The following AFG2A variants were observed in gnomAD, a reference collection of about 807,000 sequenced individuals.
AFG2A encodes the protein ATPase family gene 2 protein homolog A.
chr4:123,135,875 A>C, the AFG2A span, among the ~76,000 whole-genome samples: 1 of 152,198 alleles, frequency 6.6e-6, no homozygotes, highest in Non-Finnish European at 1.5e-5. Flanking sequence ...AAACTGCTAG[A>C]ATTCATAAAC....
the AFG2A span, among the ~76,000 whole-genome samples, chr4:123,111,513 G>A: frequency 1.2e-4 from 18 of 152,080 alleles, no homozygotes; most frequent in Non-Finnish European, 2.4e-4. Flanking sequence ...AGAGATTCAA[G>A]TTTTGTATTA....
At chr4:123,232,289 C>G in the AFG2A span, among the ~76,000 whole-genome samples, 1 of 151,954 alleles carries the variant, frequency 6.6e-6, no homozygotes, top group Non-Finnish European at 1.5e-5. Flanking sequence ...TGAGGCACTT[C>G]AACTTTTAAA....
At chr4:123,096,292 A>G in the AFG2A span, among the ~76,000 whole-genome samples, 3 of 149,144 alleles carry the variant, frequency 2.0e-5, no homozygotes, top group Non-Finnish European at 4.4e-5. Context: ...AGATTGTGTG[A>G]TATCAAGTAG....
At chr4:123,180,859 G>C in the AFG2A span, among the ~76,000 whole-genome samples, 112 of 151,800 alleles carry the variant, frequency 7.4e-4, no homozygotes, top group African/African-American at 2.7e-3. Context: ...TAAAACAAGG[G>C]TCAGCAAACT....
the AFG2A span, among the ~76,000 whole-genome samples, chr4:123,027,598 C>T: frequency 1.3e-5 from 2 of 152,100 alleles, no homozygotes; most frequent in South Asian, 2.1e-4. Context: ...AGTTCTTTAA[C>T]GCATGGATTC....
the AFG2A span, among the ~76,000 whole-genome samples, chr4:123,151,662 T>C: frequency 0.67 from 102,600 of 152,064 alleles, 37,632 homozygotes; most frequent in East Asian, 0.97. Flanking sequence ...GAAATAGGAA[T>C]GCTTTTACAC....
the AFG2A span, among the ~76,000 whole-genome samples, chr4:123,267,978 G>A: frequency 6.6e-6 from 1 of 151,896 alleles, no homozygotes; most frequent in Non-Finnish European, 1.5e-5. Flanking sequence ...TGGCTTATAA[G>A]CTAATCACCC....
the AFG2A span, among the ~76,000 whole-genome samples, chr4:123,303,112 A>G: frequency 2.0e-5 from 3 of 152,200 alleles, no homozygotes; most frequent in East Asian, 3.8e-4. Flanking sequence ...TTTTAAAACT[A>G]AAAATACTCT....
the AFG2A span, among the ~76,000 whole-genome samples, chr4:123,202,622 C>T: frequency 6.6e-6 from 1 of 152,134 alleles, no homozygotes; most frequent in Non-Finnish European, 1.5e-5. Context: ...AATTAGACTA[C>T]ATAGCTTATT....
At chr4:123,063,803 TC>T in the AFG2A span, among the ~76,000 whole-genome samples, 1 of 152,154 alleles carries the variant, frequency 6.6e-6, no homozygotes, top group South Asian at 2.1e-4. Flanking sequence ...TCAGGATGTT[TC>T]ACAATTGAGC....
the AFG2A span, among the ~76,000 whole-genome samples, chr4:123,193,073 G>A: frequency 6.6e-6 from 1 of 152,134 alleles, no homozygotes; most frequent in Non-Finnish European, 1.5e-5. Flanking sequence ...TAAACTCCTT[G>A]TGTATCTGAG....
chr4:122,980,992 TTC>T, the AFG2A span, among the ~76,000 whole-genome samples: 2 of 152,176 alleles, frequency 1.3e-5, no homozygotes, highest in Admixed American at 6.5e-5. Context: ...GTGCAGAACT[TTC>T]TGGTTTGATG....
the AFG2A span, among the ~76,000 whole-genome samples, chr4:123,201,881 C>T: frequency 4.6e-5 from 7 of 151,774 alleles, no homozygotes; most frequent in East Asian, 3.9e-4. Flanking sequence ...GAGATGATGC[C>T]GCTGCACTCC....
At chr4:123,018,425 TA>T in the AFG2A span, among the ~76,000 whole-genome samples, 1 of 152,182 alleles carries the variant, frequency 6.6e-6, no homozygotes. Context: ...GTTCTAGAAT[TA>T]AAAACAATTT....
chr4:122,968,929 C>T, the AFG2A span, among the ~76,000 whole-genome samples: 4 of 151,420 alleles, frequency 2.6e-5, no homozygotes, highest in South Asian at 2.1e-4. Context: ...TTGTGATGTG[C>T]CTGTCAAGTA....
At chr4:123,240,633 G>C in the AFG2A span, among the ~76,000 whole-genome samples, 3 of 152,206 alleles carry the variant, frequency 2.0e-5, no homozygotes, top group Admixed American at 1.3e-4. Flanking sequence ...ATTTAAAGCA[G>C]TGTGTAGAGG....
At chr4:123,199,077 T>G in the AFG2A span, among the ~76,000 whole-genome samples, 1 of 152,082 alleles carries the variant, frequency 6.6e-6, no homozygotes, top group Non-Finnish European at 1.5e-5. Context: ...TGAATCTAAG[T>G]CCAAGTGTAC....
At chr4:123,245,882 C>T in the AFG2A span, among the ~76,000 whole-genome samples, 2 of 152,192 alleles carry the variant, frequency 1.3e-5, no homozygotes, top group African/African-American at 4.8e-5. Context: ...AGTACCTAAT[C>T]CTATGCCTGA....
chr4:123,131,316 T>C, the AFG2A span, among the ~76,000 whole-genome samples: 2 of 152,160 alleles, frequency 1.3e-5, no homozygotes, highest in Non-Finnish European at 2.9e-5. Context: ...AAATTATTTT[T>C]TTATTGCGGT....
Sources: gnomAD v4.1 joint callset for allele counts (sites outside exome capture counted in the v4.1 genomes callset) on GRCh38, gnomAD v4.1.1 for gene constraint, MANE v1.5 for transcripts, NCBI Gene and HGNC (gene_info 2026-07-23, HGNC 2026-07-21) for gene names.